The following PRDM16 variants were observed in gnomAD, a reference collection of about 807,000 sequenced individuals.
PRDM16 encodes PR/SET domain 16.
PRDM16 carries 23 observed loss-of-function variants against 110.6 expected under a neutral mutation model. That is an observed-to-expected ratio of 0.21 (90% CI 0.15 to 0.29). The LOEUF is 0.29. Among genes scored for constraint, PRDM16 ranks in the 10% least tolerant of loss-of-function variants. PRDM16 has a pLI of 1.00. For missense variants in PRDM16, 1,615 were observed against 1,794.3 expected (o/e 0.90, Z 1.81); for synonymous variants, 799 against 781.8 (o/e 1.02, Z -0.37).
At chr1:3,297,424 CA>C (rs997762491) in intron 3 of PRDM16, among the ~76,000 whole-genome samples, 24 of 151,958 alleles carry the variant, frequency 1.6e-4, no homozygotes, top group African/African-American at 5.8e-4. Flanking sequence ...GCTGGGACCT[CA>C]GGTGCCAGCC....
At chr1:3,099,064 G>C (rs1642473246) in intron 1 of PRDM16, among the ~76,000 whole-genome samples, 1 of 152,234 alleles carries the variant, frequency 6.6e-6, no homozygotes, top group South Asian at 2.1e-4. Flanking sequence ...CAGAGCGGTG[G>C]GGGCCGTGTG....
intron 1 of PRDM16, among the ~76,000 whole-genome samples, chr1:3,163,811 C>T (rs968702697): frequency 6.6e-6 from 1 of 152,302 alleles, no homozygotes; most frequent in Admixed American, 6.5e-5. Flanking sequence ...TATCAGGACA[C>T]GGTCATTTGG....
chr1:3,225,573 T>TGC lies in PRDM16; in HGVS notation c.388-18505_388-18504dup, dbSNP rs138962991. Among the ~76,000 whole-genome samples, 519 of 129,854 alleles carry TGC rather than the reference T, an allele frequency of 4.0e-3. 5 individuals are homozygous for TGC. The highest frequency in any genetic ancestry group is 0.039 in the South Asian group (160 of 4,104). 85.2% of individuals were successfully genotyped at this position (129,854 alleles called of 152,430 possible). On this transcript the variant is annotated intron_variant, in intron 2 of 16. Transcript: ENST00000270722. ...GTGTGTGTGTGTGTGTGTGTGTGTG[T>TGC]GCGCGCGCGCAGAAGGAAGGAAACG...
chr1:3,416,546 C>T (rs1184491933), intron 10 of PRDM16, among the ~76,000 whole-genome samples: 10 of 152,346 alleles, frequency 6.6e-5, no homozygotes, highest in Middle Eastern at 3.4e-3. Flanking sequence ...TGCCAAGGAC[C>T]GGCACCCTGG....
intron 4 of PRDM16, chr1:3,386,960 A>T (rs1203856890): frequency 6.6e-6 from 1 of 151,988 alleles, no homozygotes; most frequent in Non-Finnish European, 1.5e-5. Context: ...CTAGCTTTTT[A>T]AAAAACAAAC....
At chr1:3,234,143 A>G (rs1639485645) in intron 2 of PRDM16, among the ~76,000 whole-genome samples, 1 of 152,096 alleles carries the variant, frequency 6.6e-6, no homozygotes, top group South Asian at 2.1e-4. Context: ...GAACCCGGGC[A>G]TGGGACTGTC....
intron 3 of PRDM16, among the ~76,000 whole-genome samples, chr1:3,280,424 A>G (rs1287072597): frequency 6.6e-6 from 1 of 152,122 alleles, no homozygotes; most frequent in East Asian, 1.9e-4. Flanking sequence ...CACACAGAGG[A>G]AGTGGTTTTC....
intron 1 of PRDM16, among the ~76,000 whole-genome samples, chr1:3,154,986 A>G (rs1643836488): frequency 1.3e-5 from 2 of 152,210 alleles, no homozygotes; most frequent in Admixed American, 6.5e-5. Flanking sequence ...CCTGGTAGAA[A>G]CAGACTGTTT....
rs182515436 is a variant in PRDM16, at chr1:3,206,476, C to G, written c.387+20002C>G. ...GCGTGAGGTCCCGGTGCTGGATAGA[C>G]GCACACGCCTTCACGCATCCTCAGA... is the stretch of plus-strand genomic sequence containing the variant. On this transcript the variant is annotated intron_variant, in intron 2 of 16. Coordinates refer to ENST00000270722, the MANE Select transcript of PRDM16 (RefSeq NM_022114.4). This position sits in a 1 kb window ranked among gnomAD's most constrained non-coding sequence, Gnocchi z 4.9. 1 of 152,270 alleles carries G rather than the reference C, an allele frequency of 6.6e-6. No individual in the cohort carries two copies. Among genetic ancestry groups the G allele is most frequent in the East Asian group, 1.9e-4 (1 of 5,172 alleles). The allele number at this position is 152,270 out of a possible 1,614,324, so 9.4% of individuals were successfully genotyped here.
chr1:3,184,966 AG>A (rs1439900393), intron 1 of PRDM16, among the ~76,000 whole-genome samples: 1 of 151,958 alleles, frequency 6.6e-6, no homozygotes, highest in Non-Finnish European at 1.5e-5. Context: ...AGGCTGGTCC[AG>A]GCCGCCTTCC....
intron 3 of PRDM16, among the ~76,000 whole-genome samples, chr1:3,272,465 C>T (rs1036497736): frequency 4.6e-5 from 7 of 152,108 alleles, no homozygotes; most frequent in Admixed American, 4.6e-4. Context: ...CGGCTAGAGT[C>T]GTGCAGCCTC....
At position 3,256,713 on chromosome 1, in the gene PRDM16, C is replaced by T. The variant is rs557770045; in HGVS notation, c.438+12576C>T. The stretch of plus-strand genomic sequence containing the variant: ...CTCTACTAAAAATACAAAAATTAGC[C>T]GGGCATGGTGGCGGGCGCCTGTAGT... On this transcript the variant is annotated intron_variant, in intron 3 of 16. Coordinates refer to ENST00000270722, the MANE Select transcript of PRDM16 (RefSeq NM_022114.4). Among the ~76,000 whole-genome samples the T allele has an allele frequency of 4.6e-3, 706 of 152,062 alleles. 5 individuals are homozygous for T. The highest frequency in any genetic ancestry group is 0.016 in the African/African-American group (663 of 41,466).
At chr1:3,398,946 C>A (rs1040207769) in intron 5 of PRDM16, among the ~76,000 whole-genome samples, 1 of 152,250 alleles carries the variant, frequency 6.6e-6, no homozygotes, top group African/African-American at 2.4e-5. Context: ...TTCGGGAGAA[C>A]CGAGCCTCTG....
intron 1 of PRDM16, among the ~76,000 whole-genome samples, chr1:3,180,981 C>CGATCTTACACGCGGTCTTACAAAT (rs1644149668): frequency 6.8e-6 from 1 of 147,128 alleles, no homozygotes; most frequent in Admixed American, 6.7e-5. Flanking sequence ...GTCTTACACA[C>CGATCTTACACGCGGTCTTACAAAT]GCAGTCTTAC....
intron 3 of PRDM16, among the ~76,000 whole-genome samples, chr1:3,374,808 G>A (rs1321006191): frequency 6.6e-6 from 1 of 152,234 alleles, no homozygotes; most frequent in African/African-American, 2.4e-5. Flanking sequence ...AGAGGTGCTT[G>A]TACTTCTTGA....
Position 3,405,572 on chromosome 1 carries a change from C to A in PRDM16, c.1110C>A (p.Asp370Glu), listed in dbSNP as rs777550737. Residue 370 changes from aspartate to glutamate, a missense_variant, in exon 8 of 17, where the codon GAC (aspartate) becomes GAA (glutamate). By Grantham distance (45) the Asp-to-Glu change is conservative (BLOSUM62 2). This residue lies in a region of PRDM16 where 82 missense variants were observed against 144.4 expected (regional missense o/e 0.57). Transcript: ENST00000270722. ...HVGARAHACPDCGKTFATSSG... is the reference protein window; with the variant it reads ...HVGARAHACPECGKTFATSSG... Reference sequence around the variant, plus strand: ...GCGCTCGGGCCCACGCCTGCCCCGACTGCGGGAAGACCTTCGCCACGTCCT... The same window carrying A: ...GCGCTCGGGCCCACGCCTGCCCCGAATGCGGGAAGACCTTCGCCACGTCCT... 1 of 1,611,492 alleles carries A rather than the reference C, an allele frequency of 6.2e-7. No individual in the cohort carries two copies. The highest frequency in any genetic ancestry group is 2.2e-5 in the East Asian group (1 of 44,744).
intron 3 of PRDM16, among the ~76,000 whole-genome samples, chr1:3,283,941 C>T (rs1280890268): frequency 2.6e-5 from 4 of 152,208 alleles, no homozygotes; most frequent in Non-Finnish European, 5.9e-5. Flanking sequence ...GGGACCGGTG[C>T]GCGGTGTGTC....
In PRDM16 at chr1:3,434,830, G is replaced by A. The variant is rs990680457; in HGVS notation, c.*1019G>A. ...CCACCCCACGCGGGAACCCAGCGCC[G>A]TCCTCTGAAGGCAGGGCCTTGGCCA... is the stretch of plus-strand genomic sequence containing the variant. On this transcript the variant is annotated 3_prime_UTR_variant, in exon 17 of 17. Transcript: ENST00000270722. 3.9e-5 allele frequency: 9 copies of A among 231,866 alleles called. No individual in the cohort carries two copies. Among genetic ancestry groups the A allele is most frequent in the African/African-American group, 6.6e-5 (3 of 45,268 alleles). The allele number at this position is 231,866 out of a possible 1,614,324, so 14.4% of individuals were successfully genotyped here. A position where few individuals can be genotyped will look rare whatever the true frequency, so the allele number is the denominator to read the frequency against.
In PRDM16 at chr1:3,243,158, C is replaced by T. The variant is rs148836930; in HGVS notation, c.388-929C>T. Among the ~76,000 whole-genome samples the T allele has an allele frequency of 7.9e-5, 12 of 152,198 alleles. No homozygotes were observed. Among genetic ancestry groups the T allele is most frequent in the South Asian group, 4.1e-4 (2 of 4,836 alleles). On this transcript the variant is annotated intron_variant, in intron 2 of 16. Transcript: ENST00000270722. This position sits in a 1 kb window ranked among gnomAD's most constrained non-coding sequence, Gnocchi z 5.5. ...CTCCCTGTCTCGGCCTCTGTCCACA[C>T]GTGGGTGAGGGGGTGGGAGCTCCTG...
Sources: allele counts gnomAD v4.1 joint callset (sites outside exome capture counted in the v4.1 genomes callset), GRCh38; gene constraint gnomAD v4.1.1; regional missense constraint gnomAD v4.1.1; non-coding constraint Gnocchi (gnomAD v3.1); transcripts MANE v1.5; gene names NCBI Gene and HGNC (gene_info 2026-07-23, HGNC 2026-07-21).